Variants in SLCO3A1 observed in about 807,000 individuals in gnomAD.
The protein encoded by SLCO3A1 is solute carrier organic anion transporter family member 3A1.
In SLCO3A1, 27 loss-of-function variants were observed where a neutral mutation model predicts 63.1. The observed-to-expected ratio is 0.43, with a 90% CI of 0.32 to 0.59. The LOEUF is 0.59. SLCO3A1 is among the 20% of genes least tolerant of loss of function. SLCO3A1 has a pLI of 0.09. For synonymous variants in SLCO3A1, 473 were observed against 409.9 expected (o/e 1.15, Z -1.86); for missense variants, 773 against 945.8 (o/e 0.82, Z 2.40).
intron 3 of SLCO3A1, among the ~76,000 whole-genome samples, chr15:92,096,560 C>T (rs568433310): frequency 6.6e-6 from 1 of 152,178 alleles, no homozygotes; most frequent in Non-Finnish European, 1.5e-5. Flanking sequence ...TCTCTGAAAA[C>T]AGAGGGTGAG....
intron 2 of SLCO3A1, among the ~76,000 whole-genome samples, chr15:92,055,020 T>G (rs1567093227): frequency 6.6e-6 from 1 of 152,202 alleles, no homozygotes; most frequent in Non-Finnish European, 1.5e-5. Context: ...CTTTGAGGAA[T>G]CGCCACACTG....
intron 2 of SLCO3A1, among the ~76,000 whole-genome samples, chr15:92,026,625 A>G (rs565742880): frequency 6.6e-6 from 1 of 152,344 alleles, no homozygotes; most frequent in East Asian, 1.9e-4. Context: ...ATGTGAGTTC[A>G]TAGGTCTGTA....
chr15:91,986,392 C>G (rs570376740), intron 2 of SLCO3A1, among the ~76,000 whole-genome samples: 1 of 152,270 alleles, frequency 6.6e-6, no homozygotes, highest in East Asian at 1.9e-4. Flanking sequence ...TCCTTCCATC[C>G]TTGCCTGCCT....
chr15:91,993,947 A>T (rs2046159025), intron 2 of SLCO3A1, among the ~76,000 whole-genome samples: 1 of 152,154 alleles, frequency 6.6e-6, no homozygotes, highest in Non-Finnish European at 1.5e-5. Context: ...CCAACTTTCC[A>T]GCCATGAAAA....
intron 1 of SLCO3A1, among the ~76,000 whole-genome samples, chr15:91,888,413 A>G (rs77300253): frequency 0.011 from 1,671 of 152,272 alleles, 29 homozygotes; most frequent in African/African-American, 0.038. Context: ...CAGTCATGCA[A>G]TCCAGTTATA....
chr15:91,892,623 CACTG>C (rs2151358158), intron 1 of SLCO3A1, among the ~76,000 whole-genome samples: 1 of 152,350 alleles, frequency 6.6e-6, no homozygotes, highest in South Asian at 2.1e-4. Flanking sequence ...CTGTGCCACA[CACTG>C]ACTGTGCCAA....
chr15:92,168,042 C>T (rs181543824), downstream of SLCO3A1, among the ~76,000 whole-genome samples: 503 of 152,300 alleles, frequency 3.3e-3, no homozygotes, highest in Admixed American at 7.5e-3. Flanking sequence ...AGCCCTAGAT[C>T]AGATGCAAAA....
intron 2 of SLCO3A1, among the ~76,000 whole-genome samples, chr15:92,046,568 C>G (rs144342047): frequency 9.2e-5 from 14 of 152,078 alleles, no homozygotes; most frequent in Non-Finnish European, 1.6e-4. Flanking sequence ...TATAGACTTT[C>G]TTTTCTGTGC....
In SLCO3A1 at chr15:91,885,962, C is replaced by G. The variant is rs73547398; in HGVS notation, c.181-30031C>G. Among the ~76,000 whole-genome samples the G allele has an allele frequency of 6.5e-3, 995 of 152,206 alleles. 6 individuals are homozygous for G. Among genetic ancestry groups the G allele is most frequent in the African/African-American group, 0.022 (901 of 41,522 alleles). Reference sequence around the variant, plus strand: ...TCGGGGAGTGGAAAGACCAGTGTGTCTCTAGCAGAGAGGGTGAGAGGGAGG... The same window carrying G: ...TCGGGGAGTGGAAAGACCAGTGTGTGTCTAGCAGAGAGGGTGAGAGGGAGG... On this transcript the variant is annotated intron_variant, in intron 1 of 9. Transcript: ENST00000318445. This position sits in a 1 kb window ranked among gnomAD's most constrained non-coding sequence, Gnocchi z 4.7.
chr15:91,926,018 T>A (rs987306573), intron 2 of SLCO3A1, among the ~76,000 whole-genome samples: 1 of 152,190 alleles, frequency 6.6e-6, no homozygotes, highest in African/African-American at 2.4e-5. Context: ...CATCTTTGAA[T>A]AGGGATAGAG....
intron 4 of SLCO3A1, 118 bp from the exon 5 acceptor site, chr15:92,120,347 G>A: frequency 1.9e-6 from 2 of 1,039,828 alleles, no homozygotes; most frequent in South Asian, 1.6e-5. Context: ...ACCTCTGGAT[G>A]CTGTTTGCTG....
chr15:92,054,449 C>T (rs1363877960), intron 2 of SLCO3A1, among the ~76,000 whole-genome samples: 2 of 152,066 alleles, frequency 1.3e-5, no homozygotes, highest in African/African-American at 4.8e-5. Flanking sequence ...AGTCAAAGCC[C>T]TCTATTATTG....
chr15:91,928,290 GT>G (rs1899103060), intron 2 of SLCO3A1, among the ~76,000 whole-genome samples: 1 of 152,204 alleles, frequency 6.6e-6, no homozygotes, highest in South Asian at 2.1e-4. Flanking sequence ...CAGACAACCA[GT>G]ATTTTGCATA....
At chr15:91,866,187 A>G (rs1305779978) in intron 1 of SLCO3A1, among the ~76,000 whole-genome samples, 2 of 152,204 alleles carry the variant, frequency 1.3e-5, no homozygotes, top group Non-Finnish European at 2.9e-5. Flanking sequence ...TTGGACTGAT[A>G]GTCATGTCAT....
intron 2 of SLCO3A1, among the ~76,000 whole-genome samples, chr15:91,939,648 CAG>C (rs1259314273): frequency 1.3e-5 from 2 of 152,166 alleles, no homozygotes; most frequent in Non-Finnish European, 2.9e-5. Flanking sequence ...CAGGCAGTGA[CAG>C]AGGGGGTGCC....
At chr15:92,123,472 T>C (rs757563905) in intron 5 of SLCO3A1, among the ~76,000 whole-genome samples, 10 of 151,998 alleles carry the variant, frequency 6.6e-5, no homozygotes, top group Non-Finnish European at 1.5e-4. Flanking sequence ...TATGGCCAGA[T>C]TACCACCCCT....
intron 1 of SLCO3A1, among the ~76,000 whole-genome samples, chr15:91,902,922 C>T (rs918406075): frequency 2.6e-5 from 4 of 152,120 alleles, no homozygotes; most frequent in Admixed American, 1.3e-4. Flanking sequence ...TCTGCAAATT[C>T]GAAATAATAA....
At chr15:92,156,126 A>G (rs561093590) in intron 9 of SLCO3A1, among the ~76,000 whole-genome samples, 10 of 152,298 alleles carry the variant, frequency 6.6e-5, no homozygotes, top group African/African-American at 2.2e-4. Flanking sequence ...TGCTGTGAGC[A>G]TCGTCTTGCA....
intron 2 of SLCO3A1, among the ~76,000 whole-genome samples, chr15:91,999,763 C>G (rs1209360930): frequency 2.0e-5 from 3 of 152,174 alleles, no homozygotes; most frequent in Non-Finnish European, 4.4e-5. Flanking sequence ...TGCACTCTAG[C>G]TGGGCAACAG....
Sources: gnomAD v4.1 joint callset for allele counts (sites outside exome capture counted in the v4.1 genomes callset) on GRCh38, gnomAD v4.1.1 for gene constraint, Gnocchi (gnomAD v3.1) non-coding constraint, MANE v1.5 for transcripts, NCBI Gene and HGNC (gene_info 2026-07-23, HGNC 2026-07-21) for gene names.